DNMT3B: variants seen among roughly 807,000 people sequenced by gnomAD.
DNMT3B encodes the protein DNA methyltransferase 3 beta.
A neutral mutation model predicts 120.2 loss-of-function variants in DNMT3B; 37 were observed. The ratio of observed to expected loss-of-function variants is 0.31; its 90% CI spans 0.24 to 0.40. The LOEUF (loss-of-function observed/expected upper bound fraction) is 0.40. DNMT3B is among the 10% of genes least tolerant of loss of function. DNMT3B has a pLI of 1.00. For synonymous variants in DNMT3B, 412 were observed against 442.8 expected (o/e 0.93, Z 0.87); for missense variants, 878 against 1,137.3 (o/e 0.77, Z 3.28).
chr20:32,775,001 C>T (rs928432958), intron 1 of DNMT3B, among the ~76,000 whole-genome samples: 3 of 152,196 alleles, frequency 2.0e-5, no homozygotes, highest in Admixed American at 1.3e-4. Context: ...GGATTACAAG[C>T]GTGAGCCACC....
chr20:32,781,826 T>A (rs751812898), intron 3 of DNMT3B, among the ~76,000 whole-genome samples: 2 of 152,246 alleles, frequency 1.3e-5, no homozygotes, highest in Non-Finnish European at 2.9e-5. Context: ...AACATCTCTA[T>A]GCTTAGGTGC....
intron 1 of DNMT3B, among the ~76,000 whole-genome samples, chr20:32,765,107 G>T (rs1568815064): frequency 6.6e-6 from 1 of 151,998 alleles, no homozygotes; most frequent in Non-Finnish European, 1.5e-5. Context: ...ACTTTTCAGA[G>T]GTATGAGGTT....
chr20:32,798,763 A>G lies in DNMT3B; in HGVS notation c.1674+120A>G. 48 of 1,421,376 alleles carry G rather than the reference A, an allele frequency of 3.4e-5. No individual in the cohort carries two copies. In the South Asian group the frequency reaches 5.1e-4, roughly 15 times the overall value. 88.0% of individuals were successfully genotyped at this position (1,421,376 alleles called of 1,614,324 possible). ...GACACGTTGTACCTCTTGGAGCCTC[A>G]ATGGCTGAGAGACCTGGCGAATTGC... On this transcript the variant is annotated intron_variant, in intron 15 of 22. Coordinates refer to ENST00000328111, the MANE Select transcript of DNMT3B (RefSeq NM_006892.4).
chr20:32,808,215 C>G lies in DNMT3B; in HGVS notation c.*312C>G, dbSNP rs1002133930. 13 of 432,250 alleles carry G rather than the reference C, an allele frequency of 3.0e-5. No homozygotes were observed. Among genetic ancestry groups the G allele is most frequent in the Non-Finnish European group, 5.6e-5 (13 of 233,616 alleles). The allele number at this position is 432,250 out of a possible 1,614,324, so 26.8% of individuals were successfully genotyped here. ...GCTTTTTTTTTTTCCCTTCCTGGGT[C>G]TACCACTCAGAGAAACAATGGCTAA... On this transcript the variant is annotated 3_prime_UTR_variant, in exon 23 of 23. Transcript: ENST00000328111.
At chr20:32,778,727 G>A (rs745610144) in intron 1 of DNMT3B, among the ~76,000 whole-genome samples, 7 of 152,250 alleles carry the variant, frequency 4.6e-5, no homozygotes, top group Middle Eastern at 3.2e-3. Context: ...TTGAGATGCT[G>A]AGGTGGGAGG....
chr20:32,765,040 T>A (rs1987222499), intron 1 of DNMT3B, among the ~76,000 whole-genome samples: 1 of 152,238 alleles, frequency 6.6e-6, no homozygotes, highest in Non-Finnish European at 1.5e-5. Flanking sequence ...CCAGCTCTTA[T>A]GCCGGCTGCC....
rs150148922 is a variant in DNMT3B at position 32,792,739 on chromosome 20, C to A, written c.1035C>A (p.Ile345=). 1.2e-6 allele frequency: 2 copies of A among 1,614,100 alleles called. No individual in the cohort carries two copies. The highest frequency in any genetic ancestry group is 2.2e-5 in the East Asian group (1 of 44,892). The change falls in exon 9 of 23, where the codon ATC becomes ATA. Residue 345 remains isoleucine, a synonymous_variant. Coordinates refer to ENST00000328111, the MANE Select transcript of DNMT3B (RefSeq NM_006892.4). ...ACGGGGGCTTCAAGCCCACTGGGAT[C>A]GAGGGCCTCAAACCCAACAACACGC... ...WAHGGFKPTG[I]EGLKPNNTQP...
At chr20:32,785,894 T>C (rs1979216316) in intron 4 of DNMT3B, among the ~76,000 whole-genome samples, 1 of 148,652 alleles carries the variant, frequency 6.7e-6, no homozygotes, top group Non-Finnish European at 1.5e-5. Flanking sequence ...TTTTTTTTCT[T>C]TTTTTTTGAG....
chr20:32,769,695 G>T (rs1987600519), intron 1 of DNMT3B, among the ~76,000 whole-genome samples: 1 of 152,048 alleles, frequency 6.6e-6, no homozygotes, highest in Non-Finnish European at 1.5e-5. Context: ...CTCGAGATTT[G>T]TTTTCTGTCC....
At chr20:32,781,714 A>G (rs1443540366) in intron 3 of DNMT3B, among the ~76,000 whole-genome samples, 1 of 152,244 alleles carries the variant, frequency 6.6e-6, no homozygotes, top group African/African-American at 2.4e-5. Context: ...AATCCCAGAA[A>G]TAAACAATTT....
At chr20:32,793,057 A>G (rs760939687) in intron 9 of DNMT3B, among the ~76,000 whole-genome samples, 7 of 152,236 alleles carry the variant, frequency 4.6e-5, no homozygotes, top group Admixed American at 2.0e-4. Context: ...ATTAAAGGAA[A>G]AAATAGTTAA....
intron 8 of DNMT3B, among the ~76,000 whole-genome samples, 168 bp downstream of exon 8, chr20:32,791,876 C>A (rs780072809): frequency 1.3e-5 from 2 of 152,168 alleles, no homozygotes; most frequent in Non-Finnish European, 2.9e-5. Flanking sequence ...GGCCTCCCAA[C>A]AAAGGGATTT....
chr20:32,786,445 C>T (rs1468342999), intron 4 of DNMT3B, 57 bp from the exon 5 acceptor site: 1 of 1,612,550 alleles, frequency 6.2e-7, no homozygotes, highest in East Asian at 2.2e-5. Context: ...TCTGGCCCCG[C>T]CAGACCCCAG....
At chr20:32,796,912 T>C in intron 13 of DNMT3B, 43 bp downstream of exon 13, 1 of 1,614,094 alleles carries the variant, frequency 6.2e-7, no homozygotes, top group Admixed American at 1.7e-5. Context: ...TCCCCTTGCC[T>C]CCTCTAACTC....
In DNMT3B at chr20:32,784,771, A is replaced by G; in HGVS notation, c.218A>G (p.Asp73Gly). The change falls in exon 4 of 23, where the codon GAT becomes GGT. Residue 73 changes from aspartate to glycine, a missense_variant. Asp to Gly is a moderately conservative substitution (Grantham distance 94). Transcript: ENST00000328111. Reference protein sequence around the residue: ...LLSYTQDLTGDGDGEDGDGSD... With the variant: ...LLSYTQDLTGGGDGEDGDGSD... ...TTCCTTATAAAGGACTTGACAGGCG[A>G]TGGCGACGGGGAAGATGGGGATGGC... 1 of 1,614,094 alleles carries G rather than the reference A, an allele frequency of 6.2e-7. No individual in the cohort carries two copies. Among genetic ancestry groups the G allele is most frequent in the Non-Finnish European group, 8.5e-7 (1 of 1,180,010 alleles).
chr20:32,785,874 CTTTCTTTCTTTTTT>C (rs1157456854), intron 4 of DNMT3B, among the ~76,000 whole-genome samples: 2 of 148,240 alleles, frequency 1.3e-5, no homozygotes, highest in African/African-American at 5.3e-5. Context: ...TTCTTTCTTT[CTTTCTTTCTTTTTT>C]TTTCTTTTTT....
intron 9 of DNMT3B, among the ~76,000 whole-genome samples, chr20:32,793,124 C>A (rs201406109): frequency 1.8e-5 from 2 of 109,076 alleles, no homozygotes; most frequent in Non-Finnish European, 3.6e-5. Context: ...CACCTGCTAA[C>A]ATTTTGACCA....
At position 32,795,458 on chromosome 20, in the gene DNMT3B, C is replaced by T. The variant is rs1980493295; in HGVS notation, c.1176C>T (p.Tyr392=). ...CTGACGACTCAGCCACCTCTGACTACTGCCCCGCACCCAAGCGCCTCAAGA... is the reference window on the plus strand; with the variant it reads ...CTGACGACTCAGCCACCTCTGACTATTGCCCCGCACCCAAGCGCCTCAAGA... ...RTADDSATSD[Y]CPAPKRLKTN... The change falls in exon 11 of 23, where the codon TAC becomes TAT. Residue 392 remains tyrosine (Y), a synonymous_variant. Transcript: ENST00000328111. The T allele has an allele frequency of 6.2e-7, 1 of 1,614,212 alleles. No individual in the cohort carries two copies.
At chr20:32,804,865 CT>C (rs779189387) in intron 20 of DNMT3B, among the ~76,000 whole-genome samples, 11 of 152,142 alleles carry the variant, frequency 7.2e-5, no homozygotes, top group Non-Finnish European at 1.3e-4. Flanking sequence ...TTGCCATTCA[CT>C]TTTAAAGCCT....
Sources: gnomAD v4.1 joint callset for allele counts (sites outside exome capture counted in the v4.1 genomes callset) on GRCh38, gnomAD v4.1.1 for gene constraint, MANE v1.5 for transcripts, NCBI Gene and HGNC (gene_info 2026-07-23, HGNC 2026-07-21) for gene names.